The following FRMD6 variants were observed in gnomAD, a reference collection of about 807,000 sequenced individuals.
FRMD6 encodes FERM domain-containing protein 6.
In FRMD6, 37 loss-of-function variants were observed where a neutral mutation model predicts 73.2. The ratio of observed to expected loss-of-function variants is 0.51; its 90% CI spans 0.39 to 0.66. The LOEUF is 0.66. Ranked by LOEUF, FRMD6 falls within the 30% of genes least tolerant of loss-of-function variation. The probability of loss-of-function intolerance (pLI) is 0.00; values close to 1 mark genes in which losing one functional copy is unlikely to be tolerated. For synonymous variants in FRMD6, 273 were observed against 282.2 expected (o/e 0.97, Z 0.33); for missense variants, 714 against 780.5 (o/e 0.91, Z 1.02).
At chr14:51,682,692 A>G (rs1483614295) in intron 1 of FRMD6, among the ~76,000 whole-genome samples, 3 of 152,194 alleles carry the variant, frequency 2.0e-5, no homozygotes, top group African/African-American at 7.2e-5. Flanking sequence ...TGTGGCATCA[A>G]AGATGATTGC....
chr14:51,708,180 A>G lies in FRMD6; in HGVS notation c.661A>G (p.Lys221Glu). ...TTCCGAAGCTCATCTTAAATATATC[A>G]AAGAGGCTGTCCGACTGGATGACGT... ...TASEAHLKYI[K>E]EAVRLDDVAV... is the part of the protein sequence containing the mutation. The change falls in exon 7 of 14, where the codon AAA (lysine) becomes GAA (glutamate). Residue 221 changes from lysine to glutamate, a missense_variant. Lys to Glu is a moderately conservative substitution (Grantham distance 56, BLOSUM62 1). Transcript: ENST00000344768. The G allele has an allele frequency of 6.2e-7, 1 of 1,613,304 alleles. No homozygotes were observed. Among genetic ancestry groups the G allele is most frequent in the Non-Finnish European group, 8.5e-7 (1 of 1,179,490 alleles).
the FRMD6 span, among the ~76,000 whole-genome samples, chr14:51,440,354 ATC>A: frequency 1.3e-5 from 2 of 152,232 alleles, no homozygotes; most frequent in African/African-American, 4.8e-5. Context: ...ATTTTCAATG[ATC>A]CAGAAACATA....
chr14:51,414,862 T>C, the FRMD6 span, among the ~76,000 whole-genome samples: 1 of 152,210 alleles, frequency 6.6e-6, no homozygotes, highest in African/African-American at 2.4e-5. Context: ...GAAGAGATCC[T>C]TCACATCCCT....
intron 2 of FRMD6, among the ~76,000 whole-genome samples, chr14:51,692,136 T>C (rs1895631942): frequency 6.6e-6 from 1 of 152,164 alleles, no homozygotes; most frequent in Non-Finnish European, 1.5e-5. Flanking sequence ...GGATGAACTT[T>C]GTCATCTTTT....
At chr14:51,500,222 G>A (rs902040021) in intron 1 of FRMD6, among the ~76,000 whole-genome samples, 2 of 152,178 alleles carry the variant, frequency 1.3e-5, no homozygotes, top group African/African-American at 4.8e-5. Context: ...GAATGTGGAA[G>A]TAGTGTAAAG....
chr14:51,470,378 C>T, the FRMD6 span, among the ~76,000 whole-genome samples: 1 of 151,916 alleles, frequency 6.6e-6, no homozygotes, highest in South Asian at 2.1e-4. Flanking sequence ...TTAGCTGGCG[C>T]AGTGGCAGCT....
intron 2 of FRMD6, among the ~76,000 whole-genome samples, chr14:51,582,956 T>G (rs1003082963): frequency 1.3e-5 from 2 of 152,220 alleles, no homozygotes; most frequent in Non-Finnish European, 2.9e-5. Context: ...GAATATTTTA[T>G]CCTTTTATTC....
chr14:51,655,225 G>C (rs1892734086), intron 1 of FRMD6, among the ~76,000 whole-genome samples: 1 of 152,052 alleles, frequency 6.6e-6, no homozygotes, highest in African/African-American at 2.4e-5. Context: ...TTTTAAACGT[G>C]TACTCCCAGT....
At chr14:51,683,445 A>T (rs911209989) in intron 1 of FRMD6, among the ~76,000 whole-genome samples, 6 of 146,424 alleles carry the variant, frequency 4.1e-5, no homozygotes, top group Middle Eastern at 3.6e-3. Context: ...ATGCTCAGCT[A>T]TTTTTTTTTT....
intron 1 of FRMD6, among the ~76,000 whole-genome samples, chr14:51,685,750 T>G (rs1895106347): frequency 6.6e-6 from 1 of 152,198 alleles, no homozygotes; most frequent in Non-Finnish European, 1.5e-5. Flanking sequence ...TATTATCGTT[T>G]TAAGCTTCTT....
rs188398926 is a variant in FRMD6, at chr14:51,705,923, A to T, written c.558+988A>T. Among the ~76,000 whole-genome samples, 42 of 152,048 alleles carry T rather than the reference A, an allele frequency of 2.8e-4. 1 individual carries two copies. In the Middle Eastern group the frequency reaches 0.01, roughly 37 times the overall value. ...CACTTAACTACTCACATCTTGGGAGATCTCATCCAAATTAATGCTTTTAAC... is the reference window on the plus strand; with the variant it reads ...CACTTAACTACTCACATCTTGGGAGTTCTCATCCAAATTAATGCTTTTAAC... On this transcript the variant is annotated intron_variant, in intron 6 of 13. Transcript: ENST00000344768.
At chr14:51,507,086 A>G (rs964865666) in intron 1 of FRMD6, among the ~76,000 whole-genome samples, 2 of 13,516 alleles carry the variant, frequency 1.5e-4, no homozygotes, top group Non-Finnish European at 2.4e-4. Context: ...TTGTATAGAC[A>G]CACACACACA....
the FRMD6 span, among the ~76,000 whole-genome samples, chr14:51,399,093 C>CCATTGCT: frequency 6.6e-6 from 1 of 152,182 alleles, no homozygotes; most frequent in African/African-American, 2.4e-5. Flanking sequence ...TGTGTGTCTA[C>CCATTGCT]CATTGCTCAT....
chr14:51,637,642 C>T (rs1214043269), intron 2 of FRMD6: 4 of 152,126 alleles, frequency 2.6e-5, no homozygotes, highest in African/African-American at 9.7e-5. Context: ...ACTTGCAATG[C>T]AGTGTATCTA....
At chr14:51,532,944 G>A (rs373423132) in intron 1 of FRMD6, among the ~76,000 whole-genome samples, 5 of 152,348 alleles carry the variant, frequency 3.3e-5, no homozygotes, top group South Asian at 4.1e-4. Context: ...TGGAATGTCA[G>A]TGAATGTTGT....
chr14:51,411,899 T>A, the FRMD6 span, among the ~76,000 whole-genome samples: 2 of 152,218 alleles, frequency 1.3e-5, no homozygotes, highest in African/African-American at 4.8e-5. Flanking sequence ...TTTTTACACA[T>A]GCTAAAAGGA....
chr14:51,555,027 C>G (rs932139986), intron 1 of FRMD6, among the ~76,000 whole-genome samples: 1 of 152,140 alleles, frequency 6.6e-6, no homozygotes, highest in African/African-American at 2.4e-5. Context: ...GCCATCCTGG[C>G]CTGCACTAGG....
intron 2 of FRMD6, among the ~76,000 whole-genome samples, chr14:51,690,786 C>T (rs1049981656): frequency 2.0e-5 from 3 of 152,136 alleles, no homozygotes; most frequent in Non-Finnish European, 2.9e-5. Flanking sequence ...GAGCACTAAG[C>T]TGTTGCTTAT....
chr14:51,482,218 C>G, the FRMD6 span, among the ~76,000 whole-genome samples: 4 of 152,190 alleles, frequency 2.6e-5, no homozygotes, highest in African/African-American at 9.7e-5. Flanking sequence ...TTCAGATGTT[C>G]CCTACAGCTA....
Sources: gnomAD v4.1 joint callset for allele counts (sites outside exome capture counted in the v4.1 genomes callset) on GRCh38, gnomAD v4.1.1 for gene constraint, MANE v1.5 for transcripts, NCBI Gene and HGNC (gene_info 2026-07-23, HGNC 2026-07-21) for gene names.